RPS6KA5: variants seen among roughly 807,000 people sequenced by gnomAD.
RPS6KA5 encodes ribosomal protein S6 kinase A5, also known as ribosomal protein S6 kinase alpha-5.
In RPS6KA5, 27 loss-of-function variants were observed where a neutral mutation model predicts 85.5. The ratio of observed to expected loss-of-function variants is 0.32; its 90% CI spans 0.23 to 0.44. The LOEUF is 0.44. RPS6KA5 is among the 20% of genes least tolerant of loss of function. The pLI is 1.00. For synonymous variants in RPS6KA5, 334 were observed against 348.2 expected (o/e 0.96, Z 0.46); for missense variants, 811 against 980.9 (o/e 0.83, Z 2.31).
At chr14:91,057,531 G>C (rs2043373449) in intron 1 of RPS6KA5, among the ~76,000 whole-genome samples, 1 of 147,898 alleles carries the variant, frequency 6.8e-6, no homozygotes, top group Non-Finnish European at 1.5e-5. Context: ...ATAGTACCGT[G>C]TGTTAACTGT....
intron 16 of RPS6KA5, 80 bp downstream of exon 16, chr14:90,873,552 T>G: frequency 1.6e-6 from 2 of 1,252,574 alleles, no homozygotes; most frequent in Non-Finnish European, 2.2e-6. Context: ...AAAGAAAACG[T>G]ATCTGAGGCT....
intron 1 of RPS6KA5, among the ~76,000 whole-genome samples, chr14:91,002,666 A>C (rs1455519005): frequency 6.6e-6 from 1 of 152,164 alleles, no homozygotes; most frequent in Non-Finnish European, 1.5e-5. Context: ...GTGGTCAAAA[A>C]CACATAACAT....
At chr14:91,034,985 A>G (rs1323307269) in intron 1 of RPS6KA5, among the ~76,000 whole-genome samples, 3 of 152,168 alleles carry the variant, frequency 2.0e-5, no homozygotes, top group Non-Finnish European at 2.9e-5. Flanking sequence ...GAGGGGAGAC[A>G]AATATATAAT....
At chr14:90,905,235 T>C (rs1476296479) in intron 8 of RPS6KA5, among the ~76,000 whole-genome samples, 1 of 152,000 alleles carries the variant, frequency 6.6e-6, no homozygotes, top group Non-Finnish European at 1.5e-5. Context: ...ATTTAAAAAA[T>C]AATAACAACA....
chr14:91,054,637 G>GAAA (rs764680509), intron 1 of RPS6KA5, among the ~76,000 whole-genome samples: 3 of 79,306 alleles, frequency 3.8e-5, no homozygotes, highest in Non-Finnish European at 5.2e-5. Flanking sequence ...CTCTGTCTCA[G>GAAA]AAAAAAAAAA....
At chr14:90,892,352 A>C (rs928663670) in intron 13 of RPS6KA5, among the ~76,000 whole-genome samples, 1 of 152,156 alleles carries the variant, frequency 6.6e-6, no homozygotes, top group Non-Finnish European at 1.5e-5. Context: ...AATCACTTTA[A>C]TTTGGTGACT....
At chr14:91,045,042 C>A (rs1047276116) in intron 1 of RPS6KA5, among the ~76,000 whole-genome samples, 2 of 152,112 alleles carry the variant, frequency 1.3e-5, no homozygotes, top group African/African-American at 4.8e-5. Flanking sequence ...CAGACAAGAA[C>A]TCAGTCTGGC....
intron 8 of RPS6KA5, among the ~76,000 whole-genome samples, chr14:90,904,961 T>C (rs2035422231): frequency 6.6e-6 from 1 of 152,210 alleles, no homozygotes; most frequent in Admixed American, 6.5e-5. Context: ...AATTTTACTG[T>C]TAACTTTTGA....
chr14:90,985,018 A>G (rs1029488196), intron 2 of RPS6KA5, among the ~76,000 whole-genome samples: 2 of 151,298 alleles, frequency 1.3e-5, no homozygotes, highest in Admixed American at 6.6e-5. Flanking sequence ...TTGGCTCACC[A>G]CAACCTCCAC....
At chr14:91,054,707 T>C (rs564921735) in intron 1 of RPS6KA5, among the ~76,000 whole-genome samples, 2 of 151,824 alleles carry the variant, frequency 1.3e-5, no homozygotes, top group African/African-American at 2.4e-5. Flanking sequence ...TCCCAACACT[T>C]TGGGAGGCCG....
At chr14:90,981,838 G>A (rs1360437078) in intron 2 of RPS6KA5, among the ~76,000 whole-genome samples, 1 of 152,204 alleles carries the variant, frequency 6.6e-6, no homozygotes, top group East Asian at 1.9e-4. Flanking sequence ...TTCAGATAAC[G>A]ATCTTACTTC....
At chr14:90,897,803 C>A (rs1010648756) in intron 12 of RPS6KA5, among the ~76,000 whole-genome samples, 35 of 152,162 alleles carry the variant, frequency 2.3e-4, no homozygotes, top group African/African-American at 6.0e-4. Context: ...AGCTGCAAAC[C>A]CAGAGGAGAG....
intron 5 of RPS6KA5, among the ~76,000 whole-genome samples, chr14:90,931,075 G>A (rs1241895770): frequency 6.6e-6 from 1 of 152,178 alleles, no homozygotes; most frequent in African/African-American, 2.4e-5. Context: ...GCCTCTTGAA[G>A]AAATATTTGC....
At chr14:90,874,269 C>T (rs916154734) in intron 15 of RPS6KA5, among the ~76,000 whole-genome samples, 6 of 152,094 alleles carry the variant, frequency 3.9e-5, no homozygotes, top group African/African-American at 1.4e-4. Context: ...GGGATAAGTG[C>T]GATAGCAAGA....
chr14:91,044,376 GGAAAGAAAGAAAGAAGGA>G (rs2042756461), intron 1 of RPS6KA5, among the ~76,000 whole-genome samples: 1 of 11,426 alleles, frequency 8.8e-5, no homozygotes, highest in African/African-American at 2.6e-4. Context: ...AAAGAAAGAA[GGAAAGAAAGAAAGAAGGA>G]AAGAAAGAAA....
At chr14:91,014,395 G>A (rs1271122315) in intron 1 of RPS6KA5, among the ~76,000 whole-genome samples, 2 of 151,320 alleles carry the variant, frequency 1.3e-5, no homozygotes, top group Non-Finnish European at 2.9e-5. Flanking sequence ...CCAGCTACTC[G>A]GGAGGCTGAG....
intron 2 of RPS6KA5, among the ~76,000 whole-genome samples, chr14:90,995,214 TG>T (rs1566840724): frequency 6.6e-6 from 1 of 152,014 alleles, no homozygotes; most frequent in African/African-American, 2.4e-5. Flanking sequence ...TTAGTAGAGA[TG>T]GGGTGTTCCC....
In RPS6KA5 at chr14:91,050,561, T is replaced by C. The variant is rs555176908; in HGVS notation, c.103+9771A>G. On this transcript the variant is annotated intron_variant, in intron 1 of 16. Coordinates refer to ENST00000614987, the MANE Select transcript of RPS6KA5 (RefSeq NM_004755.4). The stretch of plus-strand genomic sequence containing the variant: ...CTCTTGCCTAAGCCTCCCAAGTAGC[T>C]GGGATTATAGGCATCTGCCACCATG... Among the ~76,000 whole-genome samples, 46 of 152,212 alleles carry C rather than the reference T, an allele frequency of 3.0e-4. 1 individual carries two copies. Among genetic ancestry groups the C allele is most frequent in the African/African-American group, 9.6e-4 (40 of 41,536 alleles).
At chr14:90,988,729 C>T (rs1208572014) in intron 2 of RPS6KA5, among the ~76,000 whole-genome samples, 1 of 152,144 alleles carries the variant, frequency 6.6e-6, no homozygotes, top group Admixed American at 6.5e-5. Flanking sequence ...AGGAGCATTG[C>T]TTGAATCCGG....
Sources: allele counts gnomAD v4.1 joint callset (sites outside exome capture counted in the v4.1 genomes callset), GRCh38; gene constraint gnomAD v4.1.1; transcripts MANE v1.5; gene names NCBI Gene and HGNC (gene_info 2026-07-23, HGNC 2026-07-21).